Variants in MYO16 observed in about 807,000 individuals in gnomAD.
The protein encoded by MYO16 is unconventional myosin-XVI.
In MYO16, 94 loss-of-function variants were observed where a neutral mutation model predicts 205.3. That is an observed-to-expected ratio of 0.46 (90% confidence interval 0.39 to 0.54). MYO16 has a LOEUF of 0.54. Among genes scored for constraint, MYO16 ranks in the 20% least tolerant of loss-of-function variants. The pLI, the probability that MYO16 is intolerant of heterozygous loss-of-function variation, is 0.00. For synonymous variants in MYO16, 988 were observed against 954.0 expected, an observed-to-expected ratio of 1.04 and a Z score of -0.66; for missense variants, 2,315 against 2,387.5, an observed-to-expected ratio of 0.97 and a Z score of 0.63.
intron 20 of MYO16, among the ~76,000 whole-genome samples, chr13:108,977,120 G>A (rs538860222): frequency 4.6e-5 from 7 of 152,082 alleles, no homozygotes; most frequent in East Asian, 3.9e-4. Flanking sequence ...TTACAGAAAC[G>A]CTATCCTATG....
chr13:108,594,088 A>G (rs7337447), upstream of MYO16, among the ~76,000 whole-genome samples: 40,841 of 152,072 alleles, frequency 0.27, 5,631 homozygotes, highest in East Asian at 0.39. Flanking sequence ...GCTACCCAAG[A>G]CACCCTTGCT....
chr13:109,132,843 C>G (rs1430188997), intron 31 of MYO16, among the ~76,000 whole-genome samples: 1 of 152,180 alleles, frequency 6.6e-6, no homozygotes, highest in African/African-American at 2.4e-5. Context: ...CCTGGATTCT[C>G]CCCGAGGATC....
intron 1 of MYO16, among the ~76,000 whole-genome samples, chr13:108,623,167 G>A (rs967213220): frequency 1.3e-5 from 2 of 152,122 alleles, no homozygotes; most frequent in African/African-American, 4.8e-5. Flanking sequence ...GGCTGCCAAT[G>A]CTCTTTCCTC....
chr13:108,561,580 C>T, the MYO16 span, among the ~76,000 whole-genome samples: 1 of 152,176 alleles, frequency 6.6e-6, no homozygotes, highest in Non-Finnish European at 1.5e-5. Flanking sequence ...CCATTCTGTG[C>T]CTTAACCTAA....
chr13:108,898,381 T>TGTGTGTGTGTGTGTGC (rs1403577148), intron 15 of MYO16, among the ~76,000 whole-genome samples: 2 of 151,832 alleles, frequency 1.3e-5, no homozygotes, highest in Non-Finnish European at 2.9e-5. Context: ...TGTGTGTGTG[T>TGTGTGTGTGTGTGTGC]GTGTGTGTAT....
At chr13:108,739,755 C>T (rs1212037397) in intron 4 of MYO16, among the ~76,000 whole-genome samples, 1 of 152,168 alleles carries the variant, frequency 6.6e-6, no homozygotes, top group East Asian at 1.9e-4. Flanking sequence ...CCATTCTCCC[C>T]ATCACTTTCA....
At chr13:108,910,929 C>A (rs1881226400) in intron 16 of MYO16, among the ~76,000 whole-genome samples, 1 of 151,818 alleles carries the variant, frequency 6.6e-6, no homozygotes, top group Non-Finnish European at 1.5e-5. Context: ...CCTGCTGATA[C>A]CTGATTTATG....
chr13:109,200,545 A>G (rs1210037725), intron 34 of MYO16, among the ~76,000 whole-genome samples: 1 of 152,168 alleles, frequency 6.6e-6, no homozygotes, highest in East Asian at 1.9e-4. Flanking sequence ...AGGGCTTTCA[A>G]AGGGTTTATG....
In MYO16 at chr13:108,883,191, G is replaced by A. The variant is rs748946659; in HGVS notation, c.1553+5G>A. 3 of 1,612,952 alleles carry A rather than the reference G, an allele frequency of 1.9e-6. No individual in the cohort carries two copies. The highest frequency in any genetic ancestry group is 1.7e-6 in the Non-Finnish European group (2 of 1,179,190). The stretch of plus-strand genomic sequence containing the variant: ...GCCTCAGTGTTTCATCCTCAGGTGA[G>A]TCCTCCTCAACCTTGTCTGCCAGGC... On this transcript the variant is annotated splice_donor_5th_base_variant and intron_variant, in intron 13 of 34. Transcript: ENST00000457511.
intron 20 of MYO16, among the ~76,000 whole-genome samples, chr13:108,975,972 T>C (rs1884242278): frequency 6.6e-6 from 1 of 152,100 alleles, no homozygotes; most frequent in African/African-American, 2.4e-5. Context: ...AATTAAGTAT[T>C]TTTTGTCAAC....
chr13:109,022,729 G>T (rs201156852), intron 23 of MYO16, among the ~76,000 whole-genome samples: 3 of 46,096 alleles, frequency 6.5e-5, no homozygotes, highest in East Asian at 5.8e-4. Context: ...ATAAACATAT[G>T]TATATATTAT....
Position 108,741,524 on chromosome 13 carries a change from A to C in MYO16, c.507+13941A>C, listed in dbSNP as rs150954977. ...TTCTATGAGAGCTGAAACAACAGGC[A>C]GTTTTTTAACCTCAAAAAAGGTGTA... is the stretch of plus-strand genomic sequence containing the variant. On this transcript the variant is annotated intron_variant, in intron 4 of 34. Coordinates refer to ENST00000457511, the MANE Select transcript of MYO16 (RefSeq NM_001198950.3). Among the ~76,000 whole-genome samples, 96 of 152,286 alleles carry C rather than the reference A, an allele frequency of 6.3e-4. No homozygotes were observed. The South Asian group carries it at 0.014, about 22-fold the overall frequency.
At chr13:109,160,653 A>G (rs950522921) in intron 32 of MYO16, among the ~76,000 whole-genome samples, 2 of 152,164 alleles carry the variant, frequency 1.3e-5, no homozygotes, top group African/African-American at 4.8e-5. Flanking sequence ...TACAGTATTC[A>G]CTTCCTTAGT....
At chr13:108,847,224 G>C (rs1877569526) in intron 10 of MYO16, among the ~76,000 whole-genome samples, 1 of 152,170 alleles carries the variant, frequency 6.6e-6, no homozygotes, top group East Asian at 1.9e-4. Flanking sequence ...TAACTTTTCT[G>C]TTTTGATGTA....
intron 12 of MYO16, among the ~76,000 whole-genome samples, chr13:108,875,451 T>C (rs1307304914): frequency 1.3e-5 from 2 of 152,134 alleles, no homozygotes; most frequent in African/African-American, 4.8e-5. Context: ...TTATATTATG[T>C]ATAAAGCATA....
chr13:109,017,163 A>G (rs111970452), intron 22 of MYO16, among the ~76,000 whole-genome samples: 2,571 of 152,198 alleles, frequency 0.017, 76 homozygotes, highest in African/African-American at 0.059. Flanking sequence ...AGGCCTGGTG[A>G]TGACAAAATC....
At position 108,855,479 on chromosome 13, in the gene MYO16, G is replaced by T; in HGVS notation, c.1285G>T (p.Ala429Ser). 6.3e-7 allele frequency: 1 copy of T among 1,596,320 alleles called. No individual in the cohort carries two copies. The highest frequency in any genetic ancestry group is 8.6e-7 in the Non-Finnish European group (1 of 1,166,238). The change falls in exon 11 of 35, where the codon GCA (alanine) becomes TCA (serine). Residue 429 changes from alanine to serine, a missense_variant. Ala to Ser is a moderately conservative substitution (Grantham distance 99). Around this residue, in one of 3 missense-constraint regions of MYO16, gnomAD observed 1,213 missense variants for 1,274.4 expected, o/e 0.95. Coordinates refer to ENST00000457511, the MANE Select transcript of MYO16 (RefSeq NM_001198950.3). ...LMPPAPNDDL[A>S]TLSELNDGSL... ...GCCTCCTGCCCCAAACGATGACCTG[G>T]CAACGCTCAGCGAGCTCAATGATGG...
At chr13:108,890,532 C>A (rs748859259) in intron 14 of MYO16, among the ~76,000 whole-genome samples, 11 of 152,174 alleles carry the variant, frequency 7.2e-5, no homozygotes, top group Non-Finnish European at 1.3e-4. Flanking sequence ...AAGGGAGCAG[C>A]AAACCCCAGT....
chr13:109,173,950 G>GGT (rs1555338663), intron 33 of MYO16, among the ~76,000 whole-genome samples: 5 of 147,012 alleles, frequency 3.4e-5, no homozygotes, highest in South Asian at 4.4e-4. Flanking sequence ...GTTTTGATGG[G>GGT]GGGGGGTACT....
Sources: allele counts gnomAD v4.1 joint callset (sites outside exome capture counted in the v4.1 genomes callset), GRCh38; gene constraint gnomAD v4.1.1; regional missense constraint gnomAD v4.1.1; transcripts MANE v1.5; gene names NCBI Gene and HGNC (gene_info 2026-07-23, HGNC 2026-07-21).